LCORL: variants seen among roughly 807,000 people sequenced by gnomAD.
The protein encoded by LCORL is ligand-dependent nuclear receptor corepressor-like protein.
Under a neutral mutation model 141.8 loss-of-function variants are expected in LCORL, and 41 were observed. The observed-to-expected ratio is 0.29, with a 90% confidence interval of 0.23 to 0.38. The LOEUF (loss-of-function observed/expected upper bound fraction) is 0.38, where lower values mean the gene tolerates loss of function less well. Ranked by LOEUF, LCORL falls within the 10% of genes least tolerant of loss-of-function variation. The probability of loss-of-function intolerance (pLI) is 1.00; values close to 1 mark genes in which losing one functional copy is unlikely to be tolerated. For missense variants in LCORL, 1,759 were observed against 2,035.0 expected (o/e 0.86, Z 2.61); for synonymous variants, 618 against 694.1 (o/e 0.89, Z 1.72).
At chr4:17,906,750 G>A (rs184341613) in intron 5 of LCORL, among the ~76,000 whole-genome samples, 2 of 149,928 alleles carry the variant, frequency 1.3e-5, no homozygotes, top group Non-Finnish European at 1.5e-5. Context: ...GCAGTGGCGC[G>A]ATCTTGGCCC....
chr4:17,918,918 G>A (rs1310099081), intron 4 of LCORL, among the ~76,000 whole-genome samples: 2 of 151,520 alleles, frequency 1.3e-5, no homozygotes, highest in South Asian at 2.1e-4. Flanking sequence ...TCAAACCAAA[G>A]ACAAAGAATA....
intron 4 of LCORL, among the ~76,000 whole-genome samples, chr4:17,944,361 ATATT>A (rs1480483672): frequency 1.3e-5 from 2 of 152,120 alleles, no homozygotes; most frequent in African/African-American, 4.8e-5. Context: ...TTTAACTGGA[ATATT>A]TATTTCTGTA....
intron 4 of LCORL, among the ~76,000 whole-genome samples, chr4:17,948,489 A>C (rs1401634464): frequency 1.3e-5 from 2 of 152,008 alleles, no homozygotes; most frequent in Non-Finnish European, 2.9e-5. Context: ...GAATAACTAA[A>C]ATTTTCCAGT....
At chr4:17,865,468 A>G (rs1725528350) in intron 7 of LCORL, among the ~76,000 whole-genome samples, 1 of 152,156 alleles carries the variant, frequency 6.6e-6, no homozygotes. Context: ...TGTTGGAATT[A>G]CAGGCGTGAG....
chr4:17,881,232 C>T, intron 6 of LCORL: 1 of 982,934 alleles, frequency 1.0e-6, no homozygotes, highest in Non-Finnish European at 1.2e-6. Flanking sequence ...CTTTCACCTT[C>T]ATTAAGTCTG....
exon 7 of LCORL, chr4:17,877,174 T>G: frequency 1.6e-6 from 2 of 1,230,684 alleles, no homozygotes; most frequent in South Asian, 8.2e-5. Context: ...TCTTGACGCT[T>G]TCGAAATCTT....
intron 7 of LCORL, among the ~76,000 whole-genome samples, chr4:17,853,275 CAT>C (rs1175067811): frequency 1.3e-5 from 2 of 152,178 alleles, no homozygotes; most frequent in Non-Finnish European, 2.9e-5. Flanking sequence ...GAAGGCTTAA[CAT>C]GTGAGATTAG....
chr4:17,978,022 T>C (rs1197165162), intron 1 of LCORL, among the ~76,000 whole-genome samples: 4 of 152,244 alleles, frequency 2.6e-5, no homozygotes, highest in African/African-American at 9.6e-5. Flanking sequence ...TTCCCTCTTA[T>C]GTTCATGTTA....
chr4:17,946,135 A>G (rs1738840113), intron 4 of LCORL, among the ~76,000 whole-genome samples: 2 of 151,960 alleles, frequency 1.3e-5, no homozygotes, highest in Non-Finnish European at 2.9e-5. Context: ...AACCATGAAA[A>G]CCCACCTTAG....
At chr4:17,882,043 T>A (rs1727643164) in intron 6 of LCORL, 1 of 983,896 alleles carries the variant, frequency 1.0e-6, no homozygotes, top group South Asian at 4.7e-5. Flanking sequence ...TGAAGAGGGT[T>A]AAGTATAGAT....
At chr4:17,886,698 T>A (rs1335289036) in intron 5 of LCORL, among the ~76,000 whole-genome samples, 1 of 152,058 alleles carries the variant, frequency 6.6e-6, no homozygotes, top group Admixed American at 6.6e-5. Flanking sequence ...TATTGAACTA[T>A]ACAATAGTTA....
exon 7 of LCORL, chr4:17,877,176 C>T (rs551073269): frequency 4.3e-4 from 528 of 1,230,378 alleles, no homozygotes; most frequent in Non-Finnish European, 5.1e-4. Flanking sequence ...TTGACGCTTT[C>T]GAAATCTTGT....
chr4:17,856,615 G>A (rs1165914520), intron 7 of LCORL, among the ~76,000 whole-genome samples: 1 of 152,132 alleles, frequency 6.6e-6, no homozygotes, highest in Non-Finnish European at 1.5e-5. Flanking sequence ...TGGCTTTTGA[G>A]ACAAAACACA....
At chr4:17,942,102 T>G (rs1166788149) in intron 4 of LCORL, among the ~76,000 whole-genome samples, 4 of 152,164 alleles carry the variant, frequency 2.6e-5, no homozygotes, top group African/African-American at 9.7e-5. Context: ...TTATATAAGC[T>G]TTTAGATCTA....
At chr4:17,914,983 T>A (rs1257205336) in intron 4 of LCORL, among the ~76,000 whole-genome samples, 2 of 152,206 alleles carry the variant, frequency 1.3e-5, no homozygotes, top group Non-Finnish European at 2.9e-5. Flanking sequence ...TTTGTCACTT[T>A]GGAGATTATG....
At chr4:18,007,166 A>G (rs565893783) in intron 1 of LCORL, among the ~76,000 whole-genome samples, 1 of 152,296 alleles carries the variant, frequency 6.6e-6, no homozygotes, top group Non-Finnish European at 1.5e-5. Context: ...TATCACTCCC[A>G]TGCTTAAAAT....
At chr4:17,904,327 T>C (rs1731303408) in intron 5 of LCORL, among the ~76,000 whole-genome samples, 2 of 152,130 alleles carry the variant, frequency 1.3e-5, no homozygotes, top group African/African-American at 4.8e-5. Flanking sequence ...TGTAGTTTTG[T>C]TAGCTGAATG....
At chr4:17,897,694 C>G (rs1730204932) in intron 5 of LCORL, among the ~76,000 whole-genome samples, 1 of 152,076 alleles carries the variant, frequency 6.6e-6, no homozygotes, top group Admixed American at 6.6e-5. Context: ...CGAAATTGTT[C>G]TTCTACTGAT....
chr4:17,942,556 G>C (rs991663774), intron 4 of LCORL, among the ~76,000 whole-genome samples: 19 of 152,238 alleles, frequency 1.2e-4, no homozygotes, highest in African/African-American at 4.3e-4. Context: ...AGAAAATACT[G>C]TAATAGGATA....
Sources: gnomAD v4.1 joint callset for allele counts (sites outside exome capture counted in the v4.1 genomes callset) on GRCh38, gnomAD v4.1.1 for gene constraint, MANE v1.5 for transcripts, NCBI Gene and HGNC (gene_info 2026-07-23, HGNC 2026-07-21) for gene names.